Variants in ATP2B2 observed in about 807,000 individuals in gnomAD.
ATP2B2 encodes the protein plasma membrane calcium-transporting ATPase 2.
In ATP2B2, 15 loss-of-function variants were observed where a neutral mutation model predicts 120.0. The ratio of observed to expected loss-of-function variants is 0.12; its 90% CI spans 0.08 to 0.19. The LOEUF is 0.19. ATP2B2 is among the 10% of genes least tolerant of loss of function. The probability of loss-of-function intolerance (pLI) is 1.00; values close to 1 mark genes in which losing one functional copy is unlikely to be tolerated. For missense variants in ATP2B2, 1,045 were observed against 1,719.8 expected, an observed-to-expected ratio of 0.61 and a Z score of 6.94; for synonymous variants, 694 against 700.3, an observed-to-expected ratio of 0.99 and a Z score of 0.14.
At chr3:10,680,821 C>T (rs897556087) in intron 1 of ATP2B2, among the ~76,000 whole-genome samples, 1 of 152,206 alleles carries the variant, frequency 6.6e-6, no homozygotes, top group African/African-American at 2.4e-5. Flanking sequence ...CAGATTCCTA[C>T]ACCCCTCCTG....
Position 10,632,945 on chromosome 3 carries a change from A to G in ATP2B2, c.-459-12984T>C, listed in dbSNP as rs376178145. 1.3e-3 allele frequency among the ~76,000 whole-genome samples: 198 copies of G among 152,390 alleles called. 8 individuals carry two copies. In the South Asian group the frequency reaches 0.039, roughly 30 times the overall value. ...GAGGGCACAGCCCTGCCATAAGGGC[A>G]TCTGAGGACACTCAAATGGAGGGGG... On this transcript the variant is annotated intron_variant, in intron 1 of 21. Transcript: ENST00000646379.
intron 1 of ATP2B2, among the ~76,000 whole-genome samples, chr3:10,653,607 G>A (rs985399842): frequency 3.3e-5 from 5 of 152,316 alleles, no homozygotes; most frequent in East Asian, 3.9e-4. Context: ...TCACCAACGA[G>A]TATTTCTTAG....
At chr3:10,445,744 T>C (rs997170092) in intron 2 of ATP2B2, among the ~76,000 whole-genome samples, 10 of 152,238 alleles carry the variant, frequency 6.6e-5, no homozygotes, top group Admixed American at 1.3e-4. Context: ...GAGCATTTCC[T>C]GCAGTGTGAC....
intron 1 of ATP2B2, among the ~76,000 whole-genome samples, chr3:10,680,766 G>A (rs1413814618): frequency 6.6e-6 from 1 of 152,150 alleles, no homozygotes; most frequent in Non-Finnish European, 1.5e-5. Context: ...GCACCCTTAG[G>A]ACATGTCTGA....
chr3:10,366,110 C>T lies in ATP2B2; in HGVS notation c.1659+5699G>A, dbSNP rs538370834. ...CCAGTATCTTCCACACCTTCTGACC[C>T]TCTTGGCTTGGCAGGAGCCCAGTCT... On this transcript the variant is annotated intron_variant, in intron 12 of 22. Coordinates refer to ENST00000360273, the MANE Select transcript of ATP2B2 (RefSeq NM_001001331.4). Among the ~76,000 whole-genome samples, 6 of 152,296 alleles carry T rather than the reference C, an allele frequency of 3.9e-5. 1 individual carries two copies. The highest frequency in any genetic ancestry group is 1.4e-4 in the African/African-American group (6 of 41,554).
chr3:10,523,841 C>T (rs898007472), intron 3 of ATP2B2, among the ~76,000 whole-genome samples: 1 of 118,978 alleles, frequency 8.4e-6, no homozygotes, highest in African/African-American at 3.9e-5. Context: ...CTCTAAAATG[C>T]AGAAAAAAAA....
intron 6 of ATP2B2, chr3:10,387,949 G>C (rs937079914): frequency 5.3e-6 from 2 of 380,016 alleles, no homozygotes; most frequent in Non-Finnish European, 1.0e-5. Context: ...CAATACTGGA[G>C]TGATGATGGG....
chr3:10,437,573 T>C (rs1229051483), intron 2 of ATP2B2, among the ~76,000 whole-genome samples: 1 of 152,196 alleles, frequency 6.6e-6, no homozygotes, highest in Non-Finnish European at 1.5e-5. Context: ...GACACATCAG[T>C]ACAGCAGTGA....
At chr3:10,572,092 G>A (rs1273417156) in intron 2 of ATP2B2, among the ~76,000 whole-genome samples, 1 of 152,154 alleles carries the variant, frequency 6.6e-6, no homozygotes, top group Non-Finnish European at 1.5e-5. Flanking sequence ...CCATGCCTCT[G>A]CCATCGCCAT....
At chr3:10,377,548 G>A (rs985996433) in intron 10 of ATP2B2, among the ~76,000 whole-genome samples, 7 of 152,240 alleles carry the variant, frequency 4.6e-5, no homozygotes, top group Admixed American at 2.6e-4. Flanking sequence ...AGGGTCGGGG[G>A]CTCACTTTGC....
intron 1 of ATP2B2, among the ~76,000 whole-genome samples, chr3:10,642,504 CA>C (rs2125653389): frequency 6.6e-6 from 1 of 152,198 alleles, no homozygotes; most frequent in Non-Finnish European, 1.5e-5. Context: ...CCCTGTAGAA[CA>C]AAAAAGTCAC....
chr3:10,400,552 T>C (rs961857897), intron 5 of ATP2B2, among the ~76,000 whole-genome samples: 1 of 141,152 alleles, frequency 7.1e-6, no homozygotes, highest in African/African-American at 2.5e-5. Context: ...CCTGCCTCAC[T>C]CACTGCTGCA....
At chr3:10,517,168 C>A (rs898717859) in intron 3 of ATP2B2, among the ~76,000 whole-genome samples, 1 of 152,206 alleles carries the variant, frequency 6.6e-6, no homozygotes, top group East Asian at 1.9e-4. Flanking sequence ...GACTCTCCTG[C>A]CAGCTCGGTG....
intron 2 of ATP2B2, among the ~76,000 whole-genome samples, chr3:10,546,231 G>A (rs2067543044): frequency 6.6e-6 from 1 of 152,158 alleles, no homozygotes; most frequent in Admixed American, 6.5e-5. Context: ...GCCCCCTGGA[G>A]CTGGGATTCT....
intron 1 of ATP2B2, among the ~76,000 whole-genome samples, chr3:10,703,782 A>G (rs1051641885): frequency 2.0e-5 from 3 of 152,238 alleles, no homozygotes; most frequent in African/African-American, 7.2e-5. Context: ...AGAGAGAGCC[A>G]ATTACTTGAC....
upstream of ATP2B2, among the ~76,000 whole-genome samples, chr3:10,508,007 G>A (rs892779127): frequency 2.8e-5 from 4 of 144,610 alleles, no homozygotes; most frequent in African/African-American, 5.0e-5. Context: ...TTACCTTCCC[G>A]GTGGTCCCTG....
In ATP2B2 at chr3:10,378,316, G is replaced by A; in HGVS notation, c.1137C>T (p.His379=). 1 of 1,609,756 alleles carries A rather than the reference G, an allele frequency of 6.2e-7. No homozygotes were observed. The highest frequency in any genetic ancestry group is 1.7e-4 in the Middle Eastern group (1 of 6,028). ...DADDRKKASM[H]KKEKSVLQGK... is the part of the protein sequence containing the mutation. ...CCTGCAGCACGGACTTCTCCTTCTT[G>A]TGCATGCTGGCCTTCTTCCTGTCGT... is the stretch of plus-strand genomic sequence containing the variant. Residue 379 remains histidine, a synonymous_variant, in exon 10 of 23, where the codon CAC becomes CAT. Transcript: ENST00000360273.
intron 3 of ATP2B2, among the ~76,000 whole-genome samples, chr3:10,525,203 C>T (rs530598940): frequency 7.2e-5 from 11 of 152,320 alleles, no homozygotes; most frequent in Admixed American, 2.0e-4. Context: ...AAGAAGACCT[C>T]AGCACCCCTG....
At chr3:10,700,246 T>C (rs946417848) in intron 1 of ATP2B2, among the ~76,000 whole-genome samples, 3 of 152,042 alleles carry the variant, frequency 2.0e-5, no homozygotes, top group Non-Finnish European at 2.9e-5. Flanking sequence ...CTCGTTCACA[T>C]TGCACAGGAA....
Sources: gnomAD v4.1 joint callset for allele counts (sites outside exome capture counted in the v4.1 genomes callset) on GRCh38, gnomAD v4.1.1 for gene constraint, MANE v1.5 for transcripts, NCBI Gene and HGNC (gene_info 2026-07-23, HGNC 2026-07-21) for gene names.